Variants in IGSF21 observed in about 807,000 individuals in gnomAD.
IGSF21 encodes immunoglobin superfamily member 21.
Under a neutral mutation model 46.8 loss-of-function variants are expected in IGSF21, and 28 were observed. The observed-to-expected ratio is 0.60, with a 90% CI of 0.44 to 0.82. IGSF21 has a LOEUF of 0.82. Among genes scored for constraint, IGSF21 ranks in the 40% least tolerant of loss-of-function variants. The pLI, the probability that IGSF21 is intolerant of heterozygous loss-of-function variation, is 0.00. For missense variants in IGSF21, 624 were observed against 665.5 expected, an observed-to-expected ratio of 0.94 and a Z score of 0.69; for synonymous variants, 284 against 273.6, an observed-to-expected ratio of 1.04 and a Z score of -0.38.
intron 2 of IGSF21, among the ~76,000 whole-genome samples, chr1:18,266,255 C>T (rs950284606): frequency 2.0e-5 from 3 of 152,174 alleles, no homozygotes; most frequent in African/African-American, 7.2e-5. Context: ...GGCTAGGTAA[C>T]TTGTTCCAGG....
intron 3 of IGSF21, among the ~76,000 whole-genome samples, chr1:18,297,533 A>G (rs556313583): frequency 9.2e-5 from 14 of 152,186 alleles, no homozygotes; most frequent in Non-Finnish European, 2.9e-5. Context: ...ATAAGGAAAA[A>G]CAGTTACAGT....
At chr1:18,133,211 C>T (rs771307607) in intron 1 of IGSF21, among the ~76,000 whole-genome samples, 2 of 152,182 alleles carry the variant, frequency 1.3e-5, no homozygotes, top group Admixed American at 6.5e-5. Flanking sequence ...GGGGTGAAGC[C>T]AGGCCTCTGG....
chr1:18,363,087 A>G (rs944657958), intron 5 of IGSF21, among the ~76,000 whole-genome samples: 1 of 152,074 alleles, frequency 6.6e-6, no homozygotes, highest in African/African-American at 2.4e-5. Context: ...AGGCCAAGTC[A>G]CTCTCATTGC....
At position 18,290,359 on chromosome 1, in the gene IGSF21, A is replaced by C. The variant is rs1197820876; in HGVS notation, c.184-1507A>C. Among the ~76,000 whole-genome samples the C allele has an allele frequency of 2.0e-5, 3 of 152,154 alleles. No individual in the cohort carries two copies. The highest frequency in any genetic ancestry group is 4.8e-5 in the African/African-American group (2 of 41,430). ...TGTACATGTCGCTAAGTCCCGACAG[A>C]GATAGGAGGGGTGTGGGCTTACGGA... On this transcript the variant is annotated intron_variant, in intron 2 of 9. Coordinates refer to ENST00000251296, the MANE Select transcript of IGSF21 (RefSeq NM_032880.5). The surrounding 1 kb of genome is among the most constrained non-coding windows in gnomAD (Gnocchi z 4.2).
At chr1:18,281,148 CAAGTGAATGAATGAATGAACAGGT>C (rs1455664997) in intron 2 of IGSF21, among the ~76,000 whole-genome samples, 1 of 109,242 alleles carries the variant, frequency 9.2e-6, no homozygotes, top group Non-Finnish European at 2.2e-5. Context: ...AATGAACAGG[CAAGTGAATGAATGAATGAACAGGT>C]GAGTGAATGA....
chr1:18,172,788 A>G (rs956037921), intron 1 of IGSF21, among the ~76,000 whole-genome samples: 2 of 152,206 alleles, frequency 1.3e-5, no homozygotes, highest in Admixed American at 6.5e-5. Flanking sequence ...AAGAAAAATT[A>G]AACTCACAGA....
intron 4 of IGSF21, among the ~76,000 whole-genome samples, chr1:18,357,480 G>A (rs1423954725): frequency 2.9e-5 from 3 of 104,502 alleles, no homozygotes; most frequent in African/African-American, 9.8e-5. Flanking sequence ...GGGGGATGAG[G>A]TGGGGATGGG....
chr1:18,376,877 C>T lies in IGSF21; in HGVS notation c.1179C>T (p.Asp393=), dbSNP rs766934886. ...SRLLDGSAEF[D]GKELVLERVP... Reference sequence around the variant, plus strand: ...TCCTGGACGGCAGCGCTGAGTTCGACGGGAAGGAGCTGGTGCTGGAGCGGG... The same window carrying T: ...TCCTGGACGGCAGCGCTGAGTTCGATGGGAAGGAGCTGGTGCTGGAGCGGG... Residue 393 remains aspartate, a synonymous_variant, in exon 8 of 10, where the codon GAC becomes GAT. Coordinates refer to ENST00000251296, the MANE Select transcript of IGSF21 (RefSeq NM_032880.5). The T allele has an allele frequency of 1.7e-5, 28 of 1,612,772 alleles. No homozygotes were observed. Among genetic ancestry groups the T allele is most frequent in the Admixed American group, 8.3e-5 (5 of 59,978 alleles).
intron 4 of IGSF21, among the ~76,000 whole-genome samples, chr1:18,359,887 C>G (rs569127937): frequency 2.5e-4 from 38 of 152,276 alleles, no homozygotes; most frequent in African/African-American, 9.1e-4. Flanking sequence ...TCCCAAAGGT[C>G]GAGGTGGCTC....
At chr1:18,328,840 G>A (rs2085683853) in intron 3 of IGSF21, among the ~76,000 whole-genome samples, 1 of 152,136 alleles carries the variant, frequency 6.6e-6, no homozygotes, top group Non-Finnish European at 1.5e-5. Context: ...TCTTCCCAGT[G>A]GAAAGGCAAA....
At chr1:18,324,235 TG>T (rs1256050196) in intron 3 of IGSF21, among the ~76,000 whole-genome samples, 2 of 152,190 alleles carry the variant, frequency 1.3e-5, no homozygotes, top group African/African-American at 4.8e-5. Context: ...CCTGTTTGGC[TG>T]GGGGAGAAGT....
chr1:18,350,266 G>A (rs754192173), intron 4 of IGSF21, among the ~76,000 whole-genome samples: 2 of 152,196 alleles, frequency 1.3e-5, no homozygotes. Flanking sequence ...CCCTGCAGTA[G>A]CCTGTGGGTG....
intron 1 of IGSF21, among the ~76,000 whole-genome samples, chr1:18,227,209 A>G (rs2084576875): frequency 6.6e-6 from 1 of 152,098 alleles, no homozygotes; most frequent in South Asian, 2.1e-4. Context: ...GTGGCAAAGT[A>G]TGTGTGGTGG....
intron 3 of IGSF21, among the ~76,000 whole-genome samples, chr1:18,324,516 G>A (rs557453346): frequency 5.9e-5 from 9 of 152,290 alleles, no homozygotes; most frequent in African/African-American, 2.2e-4. Flanking sequence ...TGGCCCGGCC[G>A]CTTCTTCCCA....
intron 4 of IGSF21, among the ~76,000 whole-genome samples, chr1:18,355,606 G>T (rs2086007434): frequency 7.6e-6 from 1 of 132,020 alleles, no homozygotes; most frequent in Admixed American, 7.6e-5. Flanking sequence ...TCCCCTTAAG[G>T]CACAGTAAAA....
In IGSF21 at chr1:18,361,791, C is replaced by T. The variant is rs74828528; in HGVS notation, c.425-324C>T. On this transcript the variant is annotated intron_variant, in intron 4 of 9. Coordinates refer to ENST00000251296, the MANE Select transcript of IGSF21 (RefSeq NM_032880.5). ...TTCAGCAGCGTCTGCCCAGAACTCCCAGGCTCGGGCAGAGTCCCCTCAACA... is the reference window on the plus strand; with the variant it reads ...TTCAGCAGCGTCTGCCCAGAACTCCTAGGCTCGGGCAGAGTCCCCTCAACA... The T allele has an allele frequency of 9.9e-3, 2,256 of 227,828 alleles. 54 individuals are homozygous for T. The highest frequency in any genetic ancestry group is 0.048 in the African/African-American group (2,110 of 44,372). 14.1% of individuals were successfully genotyped at this position (227,828 alleles called of 1,614,324 possible).
intron 3 of IGSF21, among the ~76,000 whole-genome samples, chr1:18,333,650 T>C (rs1557648090): frequency 6.6e-6 from 1 of 152,220 alleles, no homozygotes; most frequent in Non-Finnish European, 1.5e-5. Context: ...AACCTGGTTC[T>C]CTTTGACTCC....
At chr1:18,136,002 C>G (rs1474298285) in intron 1 of IGSF21, among the ~76,000 whole-genome samples, 1 of 152,212 alleles carries the variant, frequency 6.6e-6, no homozygotes, top group African/African-American at 2.4e-5. Context: ...TTGCATTTCT[C>G]TGATGGCCAG....
At chr1:18,243,404 C>T (rs374555666) in intron 2 of IGSF21, among the ~76,000 whole-genome samples, 5 of 152,212 alleles carry the variant, frequency 3.3e-5, no homozygotes, top group Middle Eastern at 3.4e-3. Flanking sequence ...CCATCGAATC[C>T]GTTCTAAAAG....
Sources: gnomAD v4.1 joint callset for allele counts (sites outside exome capture counted in the v4.1 genomes callset) on GRCh38, gnomAD v4.1.1 for gene constraint, Gnocchi (gnomAD v3.1) non-coding constraint, MANE v1.5 for transcripts, NCBI Gene and HGNC (gene_info 2026-07-23, HGNC 2026-07-21) for gene names.